CAMTA1: variants seen among roughly 807,000 people sequenced by gnomAD.
CAMTA1 encodes the protein calmodulin-binding transcription activator 1.
CAMTA1 carries 27 observed loss-of-function variants against 170.9 expected under a neutral mutation model. The observed-to-expected ratio is 0.16, with a 90% CI of 0.12 to 0.22. The LOEUF is 0.22. Ranked by LOEUF, CAMTA1 falls within the 10% of genes least tolerant of loss-of-function variation. The pLI, the probability that CAMTA1 is intolerant of heterozygous loss-of-function variation, is 1.00. For synonymous variants in CAMTA1, 833 were observed against 891.5 expected (o/e 0.93, Z 1.17); for missense variants, 1,619 against 2,217.2 (o/e 0.73, Z 5.42).
At chr1:7,397,215 T>C (rs2089385600) in intron 5 of CAMTA1, among the ~76,000 whole-genome samples, 1 of 152,202 alleles carries the variant, frequency 6.6e-6, no homozygotes, top group African/African-American at 2.4e-5. Context: ...AATTCAATTT[T>C]ATTAGGTTGT....
At position 7,663,627 on chromosome 1, in the gene CAMTA1, G is replaced by T; in HGVS notation, c.1080G>T (p.Val360=). The change falls in exon 9 of 23, where the codon GTG becomes GTT. Residue 360 remains valine (V), a synonymous_variant. Transcript: ENST00000303635. Reference sequence around the variant, plus strand: ...CCGACACCACCCAGAGCTCCCCTGTGTCCATCAGCAGCGGGCTCAACAGCG... The same window carrying T: ...CCGACACCACCCAGAGCTCCCCTGTTTCCATCAGCAGCGGGCTCAACAGCG... ...EVPDTTQSSP[V]SISSGLNSDP... is the part of the protein sequence containing the mutation. 6.2e-7 allele frequency: 1 copy of T among 1,614,190 alleles called. No individual in the cohort carries two copies. Among genetic ancestry groups the T allele is most frequent in the South Asian group, 1.1e-5 (1 of 91,088 alleles).
intron 4 of CAMTA1, among the ~76,000 whole-genome samples, chr1:7,200,156 T>A (rs1049968573): frequency 6.6e-6 from 1 of 152,250 alleles, no homozygotes; most frequent in African/African-American, 2.4e-5. Flanking sequence ...TTAATTATTC[T>A]CTGTGTATGT....
At chr1:6,871,362 C>T (rs192472757) in intron 3 of CAMTA1, among the ~76,000 whole-genome samples, 1 of 152,284 alleles carries the variant, frequency 6.6e-6, no homozygotes, top group African/African-American at 2.4e-5. Context: ...TATGCAGCTA[C>T]TTCAAATGAA....
At position 7,588,739 on chromosome 1, in the gene CAMTA1, C is replaced by T. The variant is rs377556804; in HGVS notation, c.511-51661C>T. 1.6e-4 allele frequency among the ~76,000 whole-genome samples: 24 copies of T among 152,260 alleles called. No individual in the cohort carries two copies. The highest frequency in any genetic ancestry group is 3.4e-3 in the Middle Eastern group (1 of 292). ...GCCAGTGAGGTACCTGCCCCTGGAGCGGGACCAACAGCTCCAGGCAGGAGA... is the reference window on the plus strand; with the variant it reads ...GCCAGTGAGGTACCTGCCCCTGGAGTGGGACCAACAGCTCCAGGCAGGAGA... On this transcript the variant is annotated intron_variant, in intron 6 of 22. Transcript: ENST00000303635. This position sits in a 1 kb window ranked among gnomAD's most constrained non-coding sequence, Gnocchi z 5.8.
intron 3 of CAMTA1, among the ~76,000 whole-genome samples, chr1:7,003,673 T>C (rs922797057): frequency 2.0e-5 from 3 of 152,198 alleles, no homozygotes; most frequent in African/African-American, 7.2e-5. Context: ...TGCAGGTAGG[T>C]TGGTGATCAT....
intron 5 of CAMTA1, among the ~76,000 whole-genome samples, chr1:7,279,233 T>C (rs539435463): frequency 6.6e-6 from 1 of 152,226 alleles, no homozygotes; most frequent in South Asian, 2.1e-4. Context: ...TGTCATCCTC[T>C]GATTATTGTA....
chr1:7,055,500 G>C (rs970892004), intron 3 of CAMTA1, among the ~76,000 whole-genome samples: 6 of 152,166 alleles, frequency 3.9e-5, no homozygotes, highest in African/African-American at 1.4e-4. Context: ...GAGACTCCCT[G>C]AACTCTAACA....
At chr1:7,159,487 A>G (rs1343678681) in intron 4 of CAMTA1, among the ~76,000 whole-genome samples, 1 of 150,982 alleles carries the variant, frequency 6.6e-6, no homozygotes, top group Non-Finnish European at 1.5e-5. Flanking sequence ...TCCGTTCTCC[A>G]CCTCCCTGAG....
chr1:7,144,756 T>C lies in CAMTA1; in HGVS notation c.302+53385T>C, dbSNP rs1357439343. Among the ~76,000 whole-genome samples the C allele has an allele frequency of 1.3e-5, 2 of 152,266 alleles. No homozygotes were observed. The highest frequency in any genetic ancestry group is 4.8e-5 in the African/African-American group (2 of 41,472). On this transcript the variant is annotated intron_variant, in intron 4 of 22. Coordinates refer to ENST00000303635, the MANE Select transcript of CAMTA1 (RefSeq NM_015215.4). This position sits in a 1 kb window ranked among gnomAD's most constrained non-coding sequence, Gnocchi z 4.0. ...ATAAGCATCCCAAACTAGTATTGATTGACGTCATTTTGGCTAATGGGTCTT... is the reference window on the plus strand; with the variant it reads ...ATAAGCATCCCAAACTAGTATTGATCGACGTCATTTTGGCTAATGGGTCTT...
intron 3 of CAMTA1, among the ~76,000 whole-genome samples, chr1:7,083,033 G>C (rs1257350212): frequency 6.6e-6 from 1 of 152,238 alleles, no homozygotes; most frequent in African/African-American, 2.4e-5. Flanking sequence ...GAACCAATGA[G>C]TAGATAAATG....
chr1:7,543,412 G>A (rs1399820821), intron 6 of CAMTA1, among the ~76,000 whole-genome samples: 2 of 152,134 alleles, frequency 1.3e-5, no homozygotes, highest in East Asian at 1.9e-4. Flanking sequence ...CATTTACCCC[G>A]AGATAGCTTT....
chr1:7,573,717 T>C (rs1255577613), intron 6 of CAMTA1, among the ~76,000 whole-genome samples: 1 of 152,170 alleles, frequency 6.6e-6, no homozygotes, highest in Non-Finnish European at 1.5e-5. Flanking sequence ...TCTCCAGCTA[T>C]TGCATCTAGG....
chr1:6,877,523 C>T (rs529249668), intron 3 of CAMTA1, among the ~76,000 whole-genome samples: 25 of 152,304 alleles, frequency 1.6e-4, no homozygotes, highest in South Asian at 6.2e-4. Context: ...TAACAGAAAA[C>T]GTCTCCCATT....
chr1:6,985,332 A>G (rs1695178359), intron 3 of CAMTA1, among the ~76,000 whole-genome samples: 1 of 152,252 alleles, frequency 6.6e-6, no homozygotes. Flanking sequence ...TGAGTCTGAC[A>G]GATGATCTCT....
chr1:7,579,805 C>G (rs2095243145), intron 6 of CAMTA1, among the ~76,000 whole-genome samples: 1 of 152,172 alleles, frequency 6.6e-6, no homozygotes, highest in South Asian at 2.1e-4. Context: ...AGCAATCCAC[C>G]AGCCTCGGCT....
At position 7,661,864 on chromosome 1, in the gene CAMTA1, T is replaced by C. The variant is rs1462868796; in HGVS notation, c.803T>C (p.Leu268Pro). Residue 268 changes from leucine (L) to proline (P), a missense_variant and splice_region_variant, in exon 8 of 23, where the codon CTG becomes CCG. By Grantham distance (98) the Leu-to-Pro change is moderately conservative. Transcript: ENST00000303635. ...RTHNCLCTGS[L>P]GAGGSVHHKC... ...CACAACTGCCTCTGCACCGGCAGCC[T>C]GGGTGAGCCGGGGCTCCCGGGGCAG... is the stretch of plus-strand genomic sequence containing the variant. 1 of 1,609,162 alleles carries C rather than the reference T, an allele frequency of 6.2e-7. No homozygotes were observed. The highest frequency in any genetic ancestry group is 2.2e-5 in the East Asian group (1 of 44,714).
chr1:7,767,903 T>TA lies in CAMTA1; in HGVS notation c.*1422dup, dbSNP rs138837104. The TA allele has an allele frequency of 0.23, 33,335 of 147,286 alleles. 4,105 individuals are homozygous for TA. Among genetic ancestry groups the TA allele is most frequent in the East Asian group, 0.39 (1,984 of 5,128 alleles). The allele number at this position is 147,286 out of a possible 1,614,324, so 9.1% of individuals were successfully genotyped here. ...GGAAAAAAGGCAGAGTAACATTACT[T>TA]AAAAAAAAAAGGATATGTTTACATT... On this transcript the variant is annotated 3_prime_UTR_variant, in exon 23 of 23. Transcript: ENST00000303635.
chr1:7,037,450 C>T (rs77326336), intron 3 of CAMTA1, among the ~76,000 whole-genome samples: 3,037 of 152,220 alleles, frequency 0.02, 91 homozygotes, highest in African/African-American at 0.069. Context: ...CCCTGCCCAG[C>T]CCCAATCTGT....
chr1:6,851,745 G>GGTTC (rs1413828871), intron 3 of CAMTA1, among the ~76,000 whole-genome samples: 1 of 152,090 alleles, frequency 6.6e-6, no homozygotes, highest in Non-Finnish European at 1.5e-5. Flanking sequence ...TGGGCATGAT[G>GGTTC]GTTCATGCCT....
Sources: allele counts gnomAD v4.1 joint callset (sites outside exome capture counted in the v4.1 genomes callset), GRCh38; gene constraint gnomAD v4.1.1; non-coding constraint Gnocchi (gnomAD v3.1); transcripts MANE v1.5; gene names NCBI Gene and HGNC (gene_info 2026-07-23, HGNC 2026-07-21).